C3orf20: variants seen among roughly 807,000 people sequenced by gnomAD.
The protein encoded by C3orf20 is family with sequence similarity 149 member C.
Under a neutral mutation model 88.3 loss-of-function variants are expected in C3orf20, and 76 were observed. The observed-to-expected ratio is 0.86, with a 90% CI of 0.72 to 1.04. C3orf20 has a LOEUF of 1.04. Among genes scored for constraint, C3orf20 ranks in the 50% least tolerant of loss-of-function variants. C3orf20 has a pLI of 0.00. For synonymous variants in C3orf20, 436 were observed against 437.4 expected (o/e 1.00, Z 0.04); for missense variants, 1,056 against 1,123.3 (o/e 0.94, Z 0.86).
At chr3:14,747,892 T>C (rs978005614) in intron 12 of C3orf20, among the ~76,000 whole-genome samples, 1 of 152,006 alleles carries the variant, frequency 6.6e-6, no homozygotes, top group Admixed American at 6.5e-5. Context: ...AGTCAAACTT[T>C]TGTTTGCTGG....
chr3:14,698,211 T>C (rs2033095269), intron 5 of C3orf20, among the ~76,000 whole-genome samples: 1 of 138,760 alleles, frequency 7.2e-6, no homozygotes, highest in Admixed American at 7.1e-5. Context: ...TTGAGTTTCC[T>C]CAAAACAGCT....
chr3:14,762,225 A>G (rs1203133667), intron 15 of C3orf20, among the ~76,000 whole-genome samples: 2 of 152,162 alleles, frequency 1.3e-5, no homozygotes, highest in African/African-American at 4.8e-5. Flanking sequence ...TCATGAAGTG[A>G]TCCCAGGCCC....
chr3:14,702,885 G>C (rs1398643722), intron 5 of C3orf20, among the ~76,000 whole-genome samples: 1 of 152,168 alleles, frequency 6.6e-6, no homozygotes, highest in Non-Finnish European at 1.5e-5. Context: ...TCAAAAGCAA[G>C]CTAGTTACTT....
At chr3:14,771,998 A>G in intron 15 of C3orf20, 69 bp from the exon 16 acceptor site, 1 of 1,593,050 alleles carries the variant, frequency 6.3e-7, no homozygotes, top group Non-Finnish European at 8.6e-7. Context: ...GGCTCCCAGA[A>G]CACTGATGGG....
intron 15 of C3orf20, among the ~76,000 whole-genome samples, chr3:14,770,346 C>T (rs562217145): frequency 4.4e-4 from 67 of 152,144 alleles, no homozygotes; most frequent in Non-Finnish European, 8.7e-4. Context: ...GGCCCGGTCT[C>T]GGCATTTCTT....
chr3:14,735,130 A>T (rs2034665244), intron 12 of C3orf20, among the ~76,000 whole-genome samples: 1 of 151,432 alleles, frequency 6.6e-6, no homozygotes, highest in African/African-American at 2.4e-5. Flanking sequence ...TTTTAATTAA[A>T]TTCAGTCTTT....
intron 1 of C3orf20, among the ~76,000 whole-genome samples, chr3:14,681,951 TTTA>T (rs1422522187): frequency 1.3e-5 from 2 of 152,212 alleles, no homozygotes; most frequent in African/African-American, 4.8e-5. Context: ...TGGAAAAATA[TTTA>T]TTATAGTCCA....
Position 14,676,106 on chromosome 3 carries a change from T to TC in C3orf20, c.-299+861dup, listed in dbSNP as rs1290357118. Among the ~76,000 whole-genome samples, 151 of 128,520 alleles carry TC rather than the reference T, an allele frequency of 1.2e-3. 1 individual carries two copies. The highest frequency in any genetic ancestry group is 4.0e-3 in the African/African-American group (139 of 34,430). The allele number at this position is 128,520 out of a possible 152,430, so 84.3% of individuals were successfully genotyped here. ...TGGGGTGTACTGCATTCCTTCCCCC[T>TC]CCCCCCCGCCTTTTTTTTTTTGGTC... On this transcript the variant is annotated intron_variant, in intron 1 of 16. Coordinates refer to ENST00000253697, the MANE Select transcript of C3orf20 (RefSeq NM_032137.5).
intron 12 of C3orf20, among the ~76,000 whole-genome samples, chr3:14,745,018 T>C (rs1338487462): frequency 2.0e-5 from 3 of 152,150 alleles, no homozygotes; most frequent in African/African-American, 7.2e-5. Flanking sequence ...AAACAGTGAG[T>C]GCTGTGAAAA....
chr3:14,752,403 C>T (rs987496239), intron 12 of C3orf20, among the ~76,000 whole-genome samples: 15 of 152,028 alleles, frequency 9.9e-5, no homozygotes, highest in South Asian at 2.1e-4. Context: ...TAGACAATAC[C>T]GGTAATTCAG....
intron 1 of C3orf20, among the ~76,000 whole-genome samples, chr3:14,679,158 CTTTTTG>C (rs374242501): frequency 2.0e-5 from 3 of 152,124 alleles, no homozygotes; most frequent in African/African-American, 4.8e-5. Flanking sequence ...CAGTTCTTTC[CTTTTTG>C]TTTTTGTTTT....
intron 10 of C3orf20, among the ~76,000 whole-genome samples, chr3:14,726,578 A>G (rs1011023320): frequency 3.0e-4 from 45 of 152,262 alleles, no homozygotes; most frequent in African/African-American, 1.1e-3. Context: ...TCTAGTGGAA[A>G]GATAGGCTCA....
chr3:14,740,868 C>T (rs1244877304), intron 12 of C3orf20, among the ~76,000 whole-genome samples: 1 of 152,034 alleles, frequency 6.6e-6, no homozygotes, highest in Non-Finnish European at 1.5e-5. Flanking sequence ...TATTCTTATA[C>T]TCTGCTGAAA....
At chr3:14,703,647 G>A (rs567562557) in intron 6 of C3orf20, among the ~76,000 whole-genome samples, 2 of 152,354 alleles carry the variant, frequency 1.3e-5, no homozygotes, top group Admixed American at 6.5e-5. Context: ...TGCCTCTGCA[G>A]CACCTTGCCA....
At chr3:14,713,051 A>C (rs1051088730) in intron 7 of C3orf20, among the ~76,000 whole-genome samples, 1 of 152,154 alleles carries the variant, frequency 6.6e-6, no homozygotes, top group Non-Finnish European at 1.5e-5. Flanking sequence ...ATATAAGATT[A>C]ATCTCTTTTT....
intron 1 of C3orf20, among the ~76,000 whole-genome samples, chr3:14,680,961 C>T (rs1383118139): frequency 6.6e-6 from 1 of 152,186 alleles, no homozygotes; most frequent in East Asian, 1.9e-4. Flanking sequence ...AATGGAGATG[C>T]CAGGAGGTCA....
chr3:14,704,007 C>G (rs1272846833), intron 6 of C3orf20, among the ~76,000 whole-genome samples: 1 of 152,138 alleles, frequency 6.6e-6, no homozygotes, highest in South Asian at 2.1e-4. Flanking sequence ...GAAGGAAGCT[C>G]TCTTCCCCAC....
At chr3:14,750,850 T>A (rs115976367) in intron 12 of C3orf20, among the ~76,000 whole-genome samples, 1 of 152,350 alleles carries the variant, frequency 6.6e-6, no homozygotes, top group African/African-American at 2.4e-5. Flanking sequence ...TTCATCAAAT[T>A]GGGAGAGTTT....
intron 5 of C3orf20, among the ~76,000 whole-genome samples, chr3:14,690,631 G>C (rs923309119): frequency 1.3e-5 from 2 of 152,252 alleles, no homozygotes; most frequent in Non-Finnish European, 2.9e-5. Context: ...CACAGGAGAG[G>C]CTTCAGGAAG....
Sources: gnomAD v4.1 joint callset for allele counts (sites outside exome capture counted in the v4.1 genomes callset) on GRCh38, gnomAD v4.1.1 for gene constraint, MANE v1.5 for transcripts, NCBI Gene and HGNC (gene_info 2026-07-23, HGNC 2026-07-21) for gene names.